CGNL1: variants seen among roughly 807,000 people sequenced by gnomAD.
CGNL1 encodes cingulin like 1, also known as cingulin-like protein 1.
CGNL1 carries 132 observed loss-of-function variants against 141.2 expected under a neutral mutation model. The observed-to-expected ratio is 0.93, with a 90% confidence interval of 0.81 to 1.08. The LOEUF (loss-of-function observed/expected upper bound fraction) is 1.08. Ranked by LOEUF, CGNL1 falls within the 50% of genes least tolerant of loss-of-function variation. The pLI, the probability that CGNL1 is intolerant of heterozygous loss-of-function variation, is 0.00. For missense variants in CGNL1, 1,870 were observed against 1,588.6 expected (o/e 1.18, Z -3.01); for synonymous variants, 690 against 622.1 (o/e 1.11, Z -1.63).
At chr15:57,430,459 A>G (rs748339186) in intron 1 of CGNL1, among the ~76,000 whole-genome samples, 2 of 152,246 alleles carry the variant, frequency 1.3e-5, no homozygotes, top group Non-Finnish European at 2.9e-5. Flanking sequence ...TGAAGAATAT[A>G]AAATACGAAC....
chr15:57,441,620 C>A (rs1243007442), intron 3 of CGNL1, among the ~76,000 whole-genome samples: 7 of 152,188 alleles, frequency 4.6e-5, no homozygotes, highest in Non-Finnish European at 1.0e-4. Context: ...CCACCAGCAT[C>A]TGCCTCCCAA....
chr15:57,510,873 G>C (rs778909533), intron 8 of CGNL1, among the ~76,000 whole-genome samples: 3 of 152,162 alleles, frequency 2.0e-5, no homozygotes, highest in Non-Finnish European at 4.4e-5. Flanking sequence ...TGGCGTGGGA[G>C]AGTTGGCGCT....
intron 4 of CGNL1, among the ~76,000 whole-genome samples, chr15:57,446,488 C>T (rs1469448957): frequency 2.0e-5 from 3 of 151,956 alleles, no homozygotes; most frequent in South Asian, 2.1e-4. Flanking sequence ...TAAGTATTCT[C>T]GTGTGTCCGG....
chr15:57,517,961 T>C (rs1431756661), intron 9 of CGNL1, among the ~76,000 whole-genome samples: 1 of 151,286 alleles, frequency 6.6e-6, no homozygotes, highest in Non-Finnish European at 1.5e-5. Context: ...ACCTACTGTT[T>C]TCAGATCTCC....
At position 57,543,704 on chromosome 15, in the gene CGNL1, GT is replaced by G; in HGVS notation, c.3302del (p.Leu1101Ter). On this transcript the variant is annotated frameshift_variant, in exon 15 of 19. Coordinates refer to ENST00000281282, the MANE Select transcript of CGNL1 (RefSeq NM_032866.5). LOFTEE classifies it high-confidence loss of function. ...ISRSREQMEQ[L>X]RNELLQERAA... ...TGTTCTGCTTGCTGTAGATGGAGCA[GT>G]TGAGGAATGAGCTACTTCAGGAGAG... 1 of 1,613,668 alleles carries G rather than the reference GT, an allele frequency of 6.2e-7. No individual in the cohort carries two copies. The highest frequency in any genetic ancestry group is 1.1e-5 in the South Asian group (1 of 91,052).
Position 57,516,977 on chromosome 15 carries a change from G to T in CGNL1, c.2601G>T (p.Lys867Asn). 1.2e-6 allele frequency: 2 copies of T among 1,613,182 alleles called. No individual in the cohort carries two copies. The highest frequency in any genetic ancestry group is 1.7e-6 in the Non-Finnish European group (2 of 1,179,834). The change falls in exon 9 of 19, where the codon AAG becomes AAT. Residue 867 changes from lysine to asparagine, a missense_variant. Lys to Asn is a moderately conservative substitution (Grantham distance 94). Transcript: ENST00000281282. ...AAGCCAAGGCGAAGGAAACGCTGAAGAAGTACGAGGTGAGGCTCGCTGGGC... is the reference window on the plus strand; with the variant it reads ...AAGCCAAGGCGAAGGAAACGCTGAATAAGTACGAGGTGAGGCTCGCTGGGC... ...GDEAKAKETL[K>N]KYEGEIRQLE...
intron 1 of CGNL1, among the ~76,000 whole-genome samples, chr15:57,436,525 T>G (rs908936316): frequency 6.6e-6 from 1 of 151,464 alleles, no homozygotes; most frequent in Non-Finnish European, 1.5e-5. Context: ...GAAAAGTTCC[T>G]GTCTTAAGCT....
intron 8 of CGNL1, among the ~76,000 whole-genome samples, chr15:57,481,064 G>GTTTTTTTT (rs11298152): frequency 0.039 from 4,558 of 115,618 alleles, 138 homozygotes; most frequent in Non-Finnish European, 0.063. Context: ...AAGACCTGGG[G>GTTTTTTTT]TTTTTTTTTT....
chr15:57,497,529 A>G (rs1175911875), intron 8 of CGNL1, among the ~76,000 whole-genome samples: 2 of 152,230 alleles, frequency 1.3e-5, no homozygotes, highest in Non-Finnish European at 2.9e-5. Flanking sequence ...TCTGCAGACA[A>G]GGGTCTTGAG....
chr15:57,431,398 G>A (rs1471525070), intron 1 of CGNL1, among the ~76,000 whole-genome samples: 1 of 152,194 alleles, frequency 6.6e-6, no homozygotes, highest in Non-Finnish European at 1.5e-5. Context: ...TACAAAACAC[G>A]TAGAGAGAAA....
chr15:57,508,196 G>A lies in CGNL1; in HGVS notation c.2404-8584G>A, dbSNP rs867014771. Reference sequence around the variant, plus strand: ...ATTTGTGCCCCTCCACCCTCCCCCCGCCCCACACACACACAAACAAAAAGA... The same window carrying A: ...ATTTGTGCCCCTCCACCCTCCCCCCACCCCACACACACACAAACAAAAAGA... On this transcript the variant is annotated intron_variant, in intron 8 of 18. Coordinates refer to ENST00000281282, the MANE Select transcript of CGNL1 (RefSeq NM_032866.5). Among the ~76,000 whole-genome samples the A allele has an allele frequency of 4.0e-3, 149 of 37,622 alleles. No individual in the cohort carries two copies. In the Middle Eastern group the frequency reaches 0.081, roughly 20 times the overall value. The allele number at this position is 37,622 out of a possible 152,430, so 24.7% of individuals were successfully genotyped here.
chr15:57,477,057 C>G (rs1255654843), intron 8 of CGNL1, among the ~76,000 whole-genome samples: 1 of 152,092 alleles, frequency 6.6e-6, no homozygotes. Flanking sequence ...ACATGTTTCT[C>G]AAGTGTGTGG....
chr15:57,547,433 T>A lies in CGNL1; in HGVS notation c.3852T>A (p.Tyr1284Ter). The stretch of plus-strand genomic sequence containing the variant: ...TCAGCACGGATGGGGGAAGCCTCTA[T>A]GAGGCGCCTGTGAGCTACACATTCT... The part of the protein sequence containing the change: ...DDLSTDGGSL[Y>*]EAPVSYTFSK... Residue 1284 changes from tyrosine (Y) to a stop codon, truncating the protein, a stop_gained, in exon 19 of 19, where the codon TAT (tyrosine) becomes TAA (stop). Transcript: ENST00000281282. LOFTEE classifies it high-confidence loss of function. The A allele has an allele frequency of 2.5e-6, 4 of 1,614,186 alleles. No individual in the cohort carries two copies. Among genetic ancestry groups the A allele is most frequent in the Non-Finnish European group, 3.4e-6 (4 of 1,180,016 alleles).
intron 14 of CGNL1, among the ~76,000 whole-genome samples, chr15:57,538,301 C>A (rs1301240733): frequency 1.3e-5 from 2 of 152,208 alleles, no homozygotes; most frequent in African/African-American, 2.4e-5. Context: ...TGCCAAAAGC[C>A]TGGGTTTGCA....
rs1182548263 is a variant in CGNL1, at chr15:57,453,804, G to A, written c.2176G>A (p.Gly726Arg). The A allele has an allele frequency of 6.2e-7, 1 of 1,613,448 alleles. No homozygotes were observed. Among genetic ancestry groups the A allele is most frequent in the Non-Finnish European group, 8.5e-7 (1 of 1,179,906 alleles). ...SAKRSEDREK[G>R]ALIEELLQAK... ...AAAGCGATCGGAGGACAGGGAGAAG[G>A]GAGCTCTGATTGAGGTAAGCAGGGC... The change falls in exon 7 of 19, where the codon GGA becomes AGA. Residue 726 changes from glycine (G) to arginine (R), a missense_variant. Physicochemically the swap from Gly to Arg is moderately radical, Grantham distance 125. Transcript: ENST00000281282.
In CGNL1 at chr15:57,438,268, A is replaced by G. The variant is rs141997044; in HGVS notation, c.269A>G (p.Asn90Ser). ...VINNLPLHSS[N>S]GSVPKENSEE... ...AATAACCTGCCTCTACATTCCAGCAATGGTTCTGTGCCAAAGGAGAACAGT... is the reference window on the plus strand; with the variant it reads ...AATAACCTGCCTCTACATTCCAGCAGTGGTTCTGTGCCAAAGGAGAACAGT... The change falls in exon 2 of 19, where the codon AAT becomes AGT. Residue 90 changes from asparagine (N) to serine (S), a missense_variant. Coordinates refer to ENST00000281282, the MANE Select transcript of CGNL1 (RefSeq NM_032866.5). The G allele has an allele frequency of 8.6e-4, 1,388 of 1,614,172 alleles. 1 individual carries two copies. Among genetic ancestry groups the G allele is most frequent in the Non-Finnish European group, 1.1e-3 (1,313 of 1,180,026 alleles).
chr15:57,476,144 G>T (rs1171567079), intron 8 of CGNL1, among the ~76,000 whole-genome samples: 1 of 152,176 alleles, frequency 6.6e-6, no homozygotes, highest in East Asian at 1.9e-4. Context: ...TCGGTGTGGG[G>T]CATGAGAAGC....
intron 1 of CGNL1, chr15:57,405,934 A>G (rs1384714477): frequency 3.3e-5 from 5 of 151,226 alleles, no homozygotes; most frequent in African/African-American, 1.2e-4. Flanking sequence ...TATGCTTAAT[A>G]CAAATAAATG....
chr15:57,471,050 A>G (rs1314723162), intron 8 of CGNL1, among the ~76,000 whole-genome samples: 2 of 152,248 alleles, frequency 1.3e-5, no homozygotes, highest in Admixed American at 1.3e-4. Context: ...AGAGTTAACA[A>G]TTAGAATTGC....
Sources: gnomAD v4.1 joint callset for allele counts (sites outside exome capture counted in the v4.1 genomes callset) on GRCh38, gnomAD v4.1.1 for gene constraint, MANE v1.5 for transcripts, NCBI Gene and HGNC (gene_info 2026-07-23, HGNC 2026-07-21) for gene names.